Variants in FADS2 observed in about 807,000 individuals in gnomAD.
FADS2 encodes the protein fatty acid desaturase 2, also known as acyl-CoA 6-desaturase.
In FADS2, 18 loss-of-function variants were observed where a neutral mutation model predicts 61.2. That is an observed-to-expected ratio of 0.29 (90% CI 0.20 to 0.44). The LOEUF (loss-of-function observed/expected upper bound fraction) is 0.44. Among genes scored for constraint, FADS2 ranks in the 20% least tolerant of loss-of-function variants. The pLI is 1.00. For missense variants in FADS2, 322 were observed against 572.7 expected, an observed-to-expected ratio of 0.56 and a Z score of 4.47; for synonymous variants, 203 against 223.9, an observed-to-expected ratio of 0.91 and a Z score of 0.83.
intron 1 of FADS2, among the ~76,000 whole-genome samples, chr11:61,832,942 C>T (rs1055814215): frequency 5.3e-5 from 8 of 152,302 alleles, no homozygotes; most frequent in East Asian, 1.9e-4. Flanking sequence ...GACATGGGCA[C>T]GGCCATAAAC....
upstream of FADS2, among the ~76,000 whole-genome samples, chr11:61,824,599 G>A (rs1475041802): frequency 2.0e-5 from 3 of 152,178 alleles, no homozygotes; most frequent in Admixed American, 2.0e-4. Flanking sequence ...CACATGGTAG[G>A]TATGGGAAAG....
chr11:61,858,212 G>T (rs1472476797), intron 7 of FADS2, among the ~76,000 whole-genome samples: 1 of 151,712 alleles, frequency 6.6e-6, no homozygotes, highest in Middle Eastern at 3.2e-3. Context: ...TATTGAGACA[G>T]AGTCACATAG....
At chr11:61,846,167 T>C (rs1349027009) in intron 4 of FADS2, among the ~76,000 whole-genome samples, 1 of 150,500 alleles carries the variant, frequency 6.6e-6, no homozygotes, top group Non-Finnish European at 1.5e-5. Flanking sequence ...ACTCTTGCTC[T>C]GTTGCTCAGG....
intron 7 of FADS2, among the ~76,000 whole-genome samples, chr11:61,860,040 G>A (rs557750473): frequency 1.3e-5 from 2 of 152,274 alleles, no homozygotes; most frequent in Non-Finnish European, 2.9e-5. Context: ...GGCAGAGTGG[G>A]GACAATGTGA....
At chr11:61,861,663 C>T (rs143200253) in intron 7 of FADS2, among the ~76,000 whole-genome samples, 1 of 152,344 alleles carries the variant, frequency 6.6e-6, no homozygotes, top group Admixed American at 6.5e-5. Flanking sequence ...AGGTCCTGCC[C>T]TCGGCCAATG....
At chr11:61,818,576 T>G (rs1049346947) in intron 1 of FADS2, among the ~76,000 whole-genome samples, 1 of 152,202 alleles carries the variant, frequency 6.6e-6, no homozygotes, top group Non-Finnish European at 1.5e-5. Flanking sequence ...GCCAAGCTTA[T>G]TGGGATCTGT....
chr11:61,841,162 C>T (rs1247813137), intron 4 of FADS2, among the ~76,000 whole-genome samples: 1 of 151,836 alleles, frequency 6.6e-6, no homozygotes, highest in African/African-American at 2.4e-5. Context: ...AGCAATTCTC[C>T]TGCCTCAGCC....
chr11:61,827,953 C>A (rs2067096986), upstream of FADS2: 10 of 798,654 alleles, frequency 1.3e-5, no homozygotes, highest in Non-Finnish European at 1.4e-5. This position sits in a 1 kb window ranked among gnomAD's most constrained non-coding sequence, Gnocchi z 4.5. Flanking sequence ...CAATGGCAGG[C>A]GGGGCGACGC....
At chr11:61,819,844 C>G (rs1027436159) in intron 1 of FADS2, among the ~76,000 whole-genome samples, 2 of 151,296 alleles carry the variant, frequency 1.3e-5, no homozygotes, top group Non-Finnish European at 2.9e-5. Context: ...TTAGGTATAT[C>G]TCCTAATGCT....
intron 1 of FADS2, among the ~76,000 whole-genome samples, chr11:61,835,770 C>T (rs2067168983): frequency 6.6e-6 from 1 of 152,138 alleles, no homozygotes; most frequent in Admixed American, 6.5e-5. Flanking sequence ...GTATCCTCAA[C>T]CAAGATTCAC....
In FADS2 at chr11:61,840,539, G is replaced by A. The variant is rs768775685; in HGVS notation, c.516+8G>A. On this transcript the variant is annotated splice_region_variant and intron_variant, in intron 3 of 11. Transcript: ENST00000278840. The stretch of plus-strand genomic sequence containing the variant: ...GTCCTTGCTACCTCTCAGGTGAGGC[G>A]TGACACCCTCACTTCCCCTAGCTGA... 148 of 1,613,558 alleles carry A rather than the reference G, an allele frequency of 9.2e-5. No individual in the cohort carries two copies. The highest frequency in any genetic ancestry group is 1.2e-4 in the Non-Finnish European group (136 of 1,179,616).
At chr11:61,835,048 TCCC>T (rs2067160835) in intron 1 of FADS2, among the ~76,000 whole-genome samples, 2 of 127,198 alleles carry the variant, frequency 1.6e-5, no homozygotes, top group Admixed American at 1.8e-4. Flanking sequence ...CAGGGACTTC[TCCC>T]TGCCTCCCCA....
chr11:61,820,210 A>G (rs547679836), intron 1 of FADS2, among the ~76,000 whole-genome samples: 17 of 152,132 alleles, frequency 1.1e-4, no homozygotes, highest in African/African-American at 3.9e-4. Flanking sequence ...CCACCTACCT[A>G]GAACCATTCA....
chr11:61,841,532 C>A (rs2727265), intron 4 of FADS2, among the ~76,000 whole-genome samples: 14,206 of 148,454 alleles, frequency 0.096, 1,283 homozygotes, highest in East Asian at 0.41. Flanking sequence ...GACCCCCCCC[C>A]ATCTCTCAAA....
At chr11:61,861,365 A>AAAC (rs2067414436) in intron 7 of FADS2, among the ~76,000 whole-genome samples, 2 of 130,790 alleles carry the variant, frequency 1.5e-5, no homozygotes, top group African/African-American at 3.0e-5. Flanking sequence ...AAAAAAAAAA[A>AAAC]AAAAAACAGA....
chr11:61,842,255 C>T (rs2067223451), intron 4 of FADS2, among the ~76,000 whole-genome samples: 1 of 152,248 alleles, frequency 6.6e-6, no homozygotes, highest in Admixed American at 6.5e-5. Context: ...CAGCGAGCAG[C>T]TTGCCTGGCC....
At chr11:61,846,119 TTTC>T (rs1256311012) in intron 4 of FADS2, among the ~76,000 whole-genome samples, 10 of 149,658 alleles carry the variant, frequency 6.7e-5, no homozygotes, top group South Asian at 4.2e-4. Flanking sequence ...CTAAGCTTTC[TTTC>T]TTTCTTTTCT....
rs914449207 is a variant in FADS2 at position 61,865,030 on chromosome 11, G to A, written c.1158-122G>A. 19 of 1,190,082 alleles carry A rather than the reference G, an allele frequency of 1.6e-5. No homozygotes were observed. In the East Asian group the frequency reaches 4.3e-4, roughly 27 times the overall value. The allele number at this position is 1,190,082 out of a possible 1,614,324, so 73.7% of individuals were successfully genotyped here. A position where few individuals can be genotyped will look rare whatever the true frequency, so the allele number is the denominator to read the frequency against. On this transcript the variant is annotated intron_variant, in intron 10 of 11. Coordinates refer to ENST00000278840, the MANE Select transcript of FADS2 (RefSeq NM_004265.4). This position sits in a 1 kb window ranked among gnomAD's most constrained non-coding sequence, Gnocchi z 4.1. ...ACACGAGGAGCCACACTTTGAGACT[G>A]GTCCTGGCTGTGGACAGGGTCTCTG...
chr11:61,858,644 G>A (rs927862717), intron 7 of FADS2, among the ~76,000 whole-genome samples: 1 of 151,696 alleles, frequency 6.6e-6, no homozygotes, highest in African/African-American at 2.4e-5. Flanking sequence ...GGAGTGCAGT[G>A]GTGCGATCTC....
Sources: allele counts gnomAD v4.1 joint callset (sites outside exome capture counted in the v4.1 genomes callset), GRCh38; gene constraint gnomAD v4.1.1; non-coding constraint Gnocchi (gnomAD v3.1); transcripts MANE v1.5; gene names NCBI Gene and HGNC (gene_info 2026-07-23, HGNC 2026-07-21).